TMEM232: variants seen among roughly 807,000 people sequenced by gnomAD.
The protein encoded by TMEM232 is transmembrane protein 232.
In TMEM232, 80 loss-of-function variants were observed where a neutral mutation model predicts 78.8. The observed-to-expected ratio is 1.01, with a 90% CI of 0.85 to 1.22. The LOEUF is 1.22. Among genes scored for constraint, TMEM232 ranks in the 50% most tolerant of loss-of-function variants. The pLI is 0.00. For missense variants in TMEM232, 881 were observed against 742.2 expected, an observed-to-expected ratio of 1.19 and a Z score of -2.17; for synonymous variants, 297 against 254.3, an observed-to-expected ratio of 1.17 and a Z score of -1.60.
chr5:110,594,775 G>T (rs1410889015), intron 10 of TMEM232, among the ~76,000 whole-genome samples: 3 of 152,230 alleles, frequency 2.0e-5, no homozygotes, highest in Admixed American at 2.0e-4. Context: ...AAGAAAGGCA[G>T]CAGCCCCAGT....
chr5:110,490,169 G>GAAAGAAAT (rs1561561346), intron 12 of TMEM232, among the ~76,000 whole-genome samples: 11 of 129,754 alleles, frequency 8.5e-5, no homozygotes, highest in African/African-American at 3.8e-4. Context: ...AAGAAAGAAA[G>GAAAGAAAT]AAAGAAAGAA....
intron 2 of TMEM232, among the ~76,000 whole-genome samples, chr5:110,403,063 C>T (rs1271989024): frequency 2.0e-5 from 3 of 152,018 alleles, no homozygotes; most frequent in Non-Finnish European, 4.4e-5. Flanking sequence ...TCACTTTGTA[C>T]CTTTGACACA....
intron 12 of TMEM232, among the ~76,000 whole-genome samples, chr5:110,499,663 A>C (rs1316759967): frequency 6.6e-6 from 1 of 150,784 alleles, no homozygotes; most frequent in Non-Finnish European, 1.5e-5. Context: ...ATATATATAA[A>C]GATAAGCATT....
At chr5:110,519,669 T>A (rs190633900) in intron 12 of TMEM232, among the ~76,000 whole-genome samples, 183 of 152,102 alleles carry the variant, frequency 1.2e-3, no homozygotes, top group Non-Finnish European at 2.2e-3. Context: ...AATATTGCAC[T>A]CCCATGTTTA....
At chr5:110,710,250 A>T (rs1046353059) in intron 1 of TMEM232, among the ~76,000 whole-genome samples, 2 of 152,136 alleles carry the variant, frequency 1.3e-5, no homozygotes, top group African/African-American at 4.8e-5. Context: ...ACAAGCAATA[A>T]TATCAAATCC....
chr5:110,726,190 CTAAATAAATAA>C (rs1330306989), intron 1 of TMEM232, among the ~76,000 whole-genome samples: 1 of 150,522 alleles, frequency 6.6e-6, no homozygotes, highest in Non-Finnish European at 1.5e-5. Context: ...AGTCTTCATA[CTAAATAAATAA>C]TAAATAAATA....
chr5:110,406,914 C>G (rs913971521), intron 2 of TMEM232, among the ~76,000 whole-genome samples: 3 of 152,044 alleles, frequency 2.0e-5, no homozygotes, highest in African/African-American at 4.8e-5. Context: ...AAGTTGCCAT[C>G]TCTTTAAAAT....
intron 1 of TMEM232, among the ~76,000 whole-genome samples, chr5:110,670,341 G>C (rs1026535969): frequency 2.6e-5 from 4 of 152,080 alleles, no homozygotes; most frequent in Non-Finnish European, 5.9e-5. Flanking sequence ...ACCAATAACA[G>C]ACAAACAGAG....
At chr5:110,609,943 C>A (rs567280138) in intron 8 of TMEM232, among the ~76,000 whole-genome samples, 2 of 151,790 alleles carry the variant, frequency 1.3e-5, no homozygotes, top group Non-Finnish European at 2.9e-5. Context: ...CTTACAGGAA[C>A]CAGAAGTTAT....
intron 12 of TMEM232, among the ~76,000 whole-genome samples, chr5:110,496,901 T>C (rs1211033731): frequency 6.6e-6 from 1 of 152,010 alleles, no homozygotes; most frequent in Non-Finnish European, 1.5e-5. Flanking sequence ...TAAATCCATA[T>C]TTTGGTATTG....
At chr5:110,410,475 C>T (rs1371827339) in intron 2 of TMEM232, among the ~76,000 whole-genome samples, 1 of 152,064 alleles carries the variant, frequency 6.6e-6, no homozygotes, top group East Asian at 1.9e-4. Context: ...TATCTTTTTT[C>T]ACTCCTAAGA....
chr5:110,512,970 T>C (rs1022392806), intron 12 of TMEM232, among the ~76,000 whole-genome samples: 6 of 152,182 alleles, frequency 3.9e-5, no homozygotes, highest in African/African-American at 1.2e-4. Flanking sequence ...GGGTTGATGA[T>C]TGTATTAAAG....
At chr5:110,539,037 T>C (rs889978150) in intron 11 of TMEM232, among the ~76,000 whole-genome samples, 4 of 152,154 alleles carry the variant, frequency 2.6e-5, no homozygotes, top group Non-Finnish European at 4.4e-5. Context: ...ATGGTTAAAA[T>C]AGGGGCACTG....
intron 12 of TMEM232, among the ~76,000 whole-genome samples, chr5:110,521,479 T>C (rs1008566825): frequency 3.3e-5 from 5 of 152,224 alleles, no homozygotes; most frequent in African/African-American, 4.8e-5. Flanking sequence ...TGTAGTCTAA[T>C]TGTTTTTGTC....
At chr5:110,735,710 T>G (rs1010513171) in intron 1 of TMEM232, among the ~76,000 whole-genome samples, 8 of 152,168 alleles carry the variant, frequency 5.3e-5, no homozygotes, top group Non-Finnish European at 1.2e-4. Context: ...TAAACGACAT[T>G]GTGTTTCCCC....
intron 1 of TMEM232, among the ~76,000 whole-genome samples, chr5:110,675,264 C>T (rs867939736): frequency 5.9e-5 from 9 of 151,794 alleles, no homozygotes; most frequent in African/African-American, 2.2e-4. Flanking sequence ...AGGCTGGTCT[C>T]GACCTCTTGA....
chr5:110,485,214 C>A (rs1764331091), intron 12 of TMEM232, among the ~76,000 whole-genome samples: 2 of 152,070 alleles, frequency 1.3e-5, no homozygotes, highest in African/African-American at 2.4e-5. Flanking sequence ...AGCTAACTAA[C>A]AAGGAACAGA....
chr5:110,444,886 TTTG>T (rs1345756037), intron 12 of TMEM232, among the ~76,000 whole-genome samples: 1 of 152,128 alleles, frequency 6.6e-6, no homozygotes, highest in African/African-American at 2.4e-5. Context: ...TACCTCTCAT[TTTG>T]TTATCTTCTT....
intron 1 of TMEM232, among the ~76,000 whole-genome samples, chr5:110,725,274 C>T (rs1798041028): frequency 6.6e-6 from 1 of 152,172 alleles, no homozygotes; most frequent in African/African-American, 2.4e-5. Context: ...TTAATATTCT[C>T]ATATATACTC....
Sources: gnomAD v4.1 joint callset for allele counts (sites outside exome capture counted in the v4.1 genomes callset) on GRCh38, gnomAD v4.1.1 for gene constraint, MANE v1.5 for transcripts, NCBI Gene and HGNC (gene_info 2026-07-23, HGNC 2026-07-21) for gene names.